The following TRPM1 variants were observed in gnomAD, a reference collection of about 807,000 sequenced individuals.
TRPM1 encodes TRPM1-203 APA Isoform, Intron 10.
Under a neutral mutation model 149.4 loss-of-function variants are expected in TRPM1, and 113 were observed. The ratio of observed to expected loss-of-function variants is 0.76; its 90% CI spans 0.65 to 0.88. TRPM1 has a LOEUF of 0.88. Among genes scored for constraint, TRPM1 ranks in the 40% least tolerant of loss-of-function variants. The pLI, the probability that TRPM1 is intolerant of heterozygous loss-of-function variation, is 0.00. For missense variants in TRPM1, 1,976 were observed against 2,038.7 expected, an observed-to-expected ratio of 0.97 and a Z score of 0.59; for synonymous variants, 741 against 759.5, an observed-to-expected ratio of 0.98 and a Z score of 0.40.
intron 1 of TRPM1, 84 bp from the exon 2 acceptor site, chr15:31,081,522 C>G: frequency 1.1e-6 from 1 of 903,188 alleles, no homozygotes. Context: ...CCTGCCCTCC[C>G]TTTGTTCCAG....
chr15:31,160,392 C>T lies in TRPM1; in HGVS notation c.54+514G>A, dbSNP rs1381183625. Among the ~76,000 whole-genome samples, 3 of 152,174 alleles carry T rather than the reference C, an allele frequency of 2.0e-5. No homozygotes were observed. The East Asian group carries it at 5.8e-4, about 29-fold the overall frequency. Reference sequence around the variant, plus strand: ...GCCCTCCCAGGTTCTCACTTAGGGCCCCTCTGGCCCTCCCTCCTGTTAGAT... The same window carrying T: ...GCCCTCCCAGGTTCTCACTTAGGGCTCCTCTGGCCCTCCCTCCTGTTAGAT... On this transcript the variant is annotated intron_variant, in intron 1 of 26. Transcript: ENST00000542188.
intron 1 of TRPM1, among the ~76,000 whole-genome samples, chr15:31,088,307 A>C (rs1270166223): frequency 6.6e-6 from 1 of 152,224 alleles, no homozygotes; most frequent in Non-Finnish European, 1.5e-5. Flanking sequence ...CACCAGCGCC[A>C]GCCCTGGCAA....
chr15:31,106,146 T>C (rs1371954199), upstream of TRPM1, among the ~76,000 whole-genome samples: 4 of 151,914 alleles, frequency 2.6e-5, no homozygotes, highest in Admixed American at 1.3e-4. Flanking sequence ...CTTTTCTTTT[T>C]TTTTTTTTTG....
chr15:31,009,831 A>G (rs1262979679), intron 27 of TRPM1, among the ~76,000 whole-genome samples: 1 of 152,206 alleles, frequency 6.6e-6, no homozygotes, highest in Non-Finnish European at 1.5e-5. Context: ...AGCCTATCCA[A>G]TGAATTTTTC....
intron 1 of TRPM1, among the ~76,000 whole-genome samples, chr15:31,134,081 C>T (rs567551316): frequency 3.3e-5 from 5 of 152,254 alleles, no homozygotes; most frequent in East Asian, 3.9e-4. Flanking sequence ...TGGAAGCCGC[C>T]GGAGGCCCGT....
intron 21 of TRPM1, among the ~76,000 whole-genome samples, chr15:31,033,935 T>C (rs2033220144): frequency 6.6e-6 from 1 of 152,192 alleles, no homozygotes; most frequent in South Asian, 2.1e-4. Context: ...AGTGCTCTTT[T>C]GGTTTTTCAG....
chr15:31,110,051 G>T (rs986654323), intron 1 of TRPM1, among the ~76,000 whole-genome samples: 1 of 152,120 alleles, frequency 6.6e-6, no homozygotes, highest in Non-Finnish European at 1.5e-5. Flanking sequence ...GCTTATATTG[G>T]TTCAAAAAAT....
At position 31,090,530 on chromosome 15, in the gene TRPM1, G is replaced by A. The variant is rs921463328; in HGVS notation, c.-83-9092C>T. ...TGGGCACCTGTAATCCCAGCTACTC[G>A]GGAGGCTGAGGCAGGAGAATCACCT... On this transcript the variant is annotated intron_variant, in intron 1 of 27. Transcript: ENST00000256552. 2.6e-5 allele frequency among the ~76,000 whole-genome samples: 4 copies of A among 151,966 alleles called. No individual in the cohort carries two copies. In the East Asian group the frequency reaches 5.8e-4, roughly 22 times the overall value.
At chr15:31,096,378 G>A (rs536912421) in intron 1 of TRPM1, among the ~76,000 whole-genome samples, 1 of 152,296 alleles carries the variant, frequency 6.6e-6, no homozygotes, top group South Asian at 2.1e-4. Context: ...ACAAAAACAG[G>A]AGAGAGAAGC....
chr15:31,049,661 T>A, intron 12 of TRPM1, 152 bp from the exon 13 acceptor site: 4 of 809,386 alleles, frequency 4.9e-6, no homozygotes, highest in African/African-American at 1.7e-5. Flanking sequence ...GGGTAAACAC[T>A]CCCCATCTCC....
At chr15:31,062,943 C>A in intron 8 of TRPM1, 175 bp downstream of exon 8, 1 of 1,006,256 alleles carries the variant, frequency 9.9e-7, no homozygotes, top group Non-Finnish European at 1.5e-6. Context: ...TCAGGAACAC[C>A]CTGCCTCTGA....
chr15:31,140,175 T>C (rs868753007), intron 1 of TRPM1, among the ~76,000 whole-genome samples: 3 of 147,948 alleles, frequency 2.0e-5, no homozygotes, highest in Middle Eastern at 6.9e-3. Flanking sequence ...GAGACCAGCC[T>C]GACCAATATG....
intron 18 of TRPM1, among the ~76,000 whole-genome samples, chr15:31,039,912 A>G (rs535213760): frequency 3.7e-4 from 57 of 152,290 alleles, no homozygotes; most frequent in Admixed American, 3.6e-3. Flanking sequence ...TTCTGATCCC[A>G]TGCTGACCAG....
rs1238075815 is a variant in TRPM1 at position 31,047,185 on chromosome 15, C to T, written c.1690G>A (p.Gly564Arg). The stretch of plus-strand genomic sequence containing the variant: ...GTGTAGTTGCAGCGGTAGGCTCCTC[C>T]CATGAGGTACTCCAGCACGAGCCCG... ...DIGLVLEYLM[G>R]GAYRCNYTRK... Residue 564 changes from glycine (G) to arginine (R), a missense_variant, in exon 15 of 28, where the codon GGA (glycine) becomes AGA (arginine). Around this residue, in one of 3 missense-constraint regions of TRPM1, gnomAD observed 1,332 missense variants for 1,347.1 expected, o/e 0.99. Transcript: ENST00000256552. 6 of 1,614,204 alleles carry T rather than the reference C, an allele frequency of 3.7e-6. No individual in the cohort carries two copies. The highest frequency in any genetic ancestry group is 5.1e-6 in the Non-Finnish European group (6 of 1,180,036).
chr15:31,082,973 G>C (rs959450554), intron 1 of TRPM1, among the ~76,000 whole-genome samples: 1 of 152,114 alleles, frequency 6.6e-6, no homozygotes, highest in Admixed American at 6.5e-5. Context: ...ACACACACAG[G>C]TGGGGGCGAC....
intron 1 of TRPM1, among the ~76,000 whole-genome samples, chr15:31,150,416 T>G (rs2141060959): frequency 6.7e-6 from 1 of 150,002 alleles, no homozygotes; most frequent in Non-Finnish European, 1.5e-5. Context: ...GGCTCCTCAG[T>G]TGAATTTTTT....
chr15:31,078,849 A>G (rs1030112782), intron 2 of TRPM1, among the ~76,000 whole-genome samples: 1 of 152,228 alleles, frequency 6.6e-6, no homozygotes, highest in African/African-American at 2.4e-5. Flanking sequence ...GGACTATATG[A>G]CAACTAAAGA....
At chr15:31,093,158 G>T (rs539521382) in intron 1 of TRPM1, among the ~76,000 whole-genome samples, 2 of 151,166 alleles carry the variant, frequency 1.3e-5, no homozygotes, top group Non-Finnish European at 2.9e-5. Context: ...CTACTCAGGA[G>T]GCTGAGGCAG....
At chr15:31,035,824 A>G (rs774839841) in intron 20 of TRPM1, 150 bp from the exon 21 acceptor site, 65 of 1,081,968 alleles carry the variant, frequency 6.0e-5, no homozygotes, top group Non-Finnish European at 8.5e-5. Context: ...ACTGCACCTC[A>G]CCAGTGCAGA....
Sources: gnomAD v4.1 joint callset for allele counts (sites outside exome capture counted in the v4.1 genomes callset) on GRCh38, gnomAD v4.1.1 for gene constraint, gnomAD v4.1.1 regional missense constraint, MANE v1.5 for transcripts, NCBI Gene and HGNC (gene_info 2026-07-23, HGNC 2026-07-21) for gene names.